The following APBA1 variants were observed in gnomAD, a reference collection of about 807,000 sequenced individuals.
APBA1 encodes the protein amyloid beta precursor protein binding family A member 1.
A neutral mutation model predicts 86.6 loss-of-function variants in APBA1; 55 were observed. The observed-to-expected ratio is 0.64, with a 90% CI of 0.51 to 0.80. The LOEUF is 0.80. Ranked by LOEUF, APBA1 falls within the 30% of genes least tolerant of loss-of-function variation. The pLI is 0.00. For synonymous variants in APBA1, 511 were observed against 493.9 expected (o/e 1.03, Z -0.46); for missense variants, 1,090 against 1,183.0 (o/e 0.92, Z 1.15).
At chr9:69,488,891 G>T (rs905590135) in intron 2 of APBA1, among the ~76,000 whole-genome samples, 1 of 152,054 alleles carries the variant, frequency 6.6e-6, no homozygotes, top group Non-Finnish European at 1.5e-5. Flanking sequence ...TTGCTTCAAA[G>T]AGAATACAAT....
chr9:69,553,518 A>G (rs1469804922), intron 1 of APBA1, among the ~76,000 whole-genome samples: 1 of 152,216 alleles, frequency 6.6e-6, no homozygotes, highest in Non-Finnish European at 1.5e-5. Context: ...ATGATTTAAA[A>G]TTCACCCATG....
At chr9:69,448,015 C>G (rs1430937398) in intron 10 of APBA1, among the ~76,000 whole-genome samples, 1 of 151,974 alleles carries the variant, frequency 6.6e-6, no homozygotes, top group Admixed American at 6.6e-5. Context: ...CTAGCCCCAC[C>G]CCCCCGCTTG....
At chr9:69,572,249 C>A (rs113107446) in intron 1 of APBA1, among the ~76,000 whole-genome samples, 3 of 152,090 alleles carry the variant, frequency 2.0e-5, no homozygotes, top group Admixed American at 6.6e-5. Flanking sequence ...CGTGTGCCGT[C>A]CCCCCTGACA....
At chr9:69,658,274 T>TCTC (rs1564104861) in intron 1 of APBA1, among the ~76,000 whole-genome samples, 5 of 68,312 alleles carry the variant, frequency 7.3e-5, no homozygotes, top group African/African-American at 1.9e-4. Context: ...CTTTCTTTCT[T>TCTC]TCTTTCTTTC....
chr9:69,559,429 C>T (rs1395815589), intron 1 of APBA1, among the ~76,000 whole-genome samples: 1 of 152,088 alleles, frequency 6.6e-6, no homozygotes, highest in East Asian at 1.9e-4. Context: ...GACATTTATC[C>T]CTATTAATTT....
intron 2 of APBA1, among the ~76,000 whole-genome samples, chr9:69,481,526 G>A (rs923208532): frequency 2.0e-5 from 3 of 151,724 alleles, no homozygotes; most frequent in Middle Eastern, 3.2e-3. Context: ...AATCAATATC[G>A]TGAAAATGGT....
chr9:69,551,891 T>A (rs1011215723), intron 1 of APBA1, among the ~76,000 whole-genome samples: 1 of 152,210 alleles, frequency 6.6e-6, no homozygotes, highest in Non-Finnish European at 1.5e-5. Flanking sequence ...TCTACTTCCC[T>A]TAATTCCATA....
chr9:69,558,551 C>A (rs968318152), intron 1 of APBA1, among the ~76,000 whole-genome samples: 3 of 133,920 alleles, frequency 2.2e-5, no homozygotes, highest in Admixed American at 7.1e-5. Context: ...CACATACACA[C>A]ACACACACAC....
intron 1 of APBA1, among the ~76,000 whole-genome samples, chr9:69,668,474 T>A (rs1823884000): frequency 6.6e-6 from 1 of 152,290 alleles, no homozygotes; most frequent in African/African-American, 2.4e-5. Context: ...TTTCCCCTAC[T>A]TTGACAATAG....
chr9:69,598,568 T>C (rs1376093559), intron 1 of APBA1, among the ~76,000 whole-genome samples: 1 of 151,902 alleles, frequency 6.6e-6, no homozygotes, highest in Non-Finnish European at 1.5e-5. Context: ...GTGGTGGTGA[T>C]AGGAAGCAGA....
At chr9:69,432,103 T>TGACA (rs752213375) in intron 12 of APBA1, among the ~76,000 whole-genome samples, 3 of 152,228 alleles carry the variant, frequency 2.0e-5, no homozygotes, top group Non-Finnish European at 2.9e-5. Flanking sequence ...CTGTGATGAC[T>TGACA]GACAGTAATG....
chr9:69,475,999 G>T (rs1588306978), intron 3 of APBA1, 49 bp downstream of exon 3: 10 of 1,480,118 alleles, frequency 6.8e-6, no homozygotes, highest in African/African-American at 5.5e-5. Context: ...AACAGTATTA[G>T]AGTAAAGCAA....
intron 1 of APBA1, among the ~76,000 whole-genome samples, chr9:69,630,684 C>G (rs760637051): frequency 6.6e-6 from 1 of 152,218 alleles, no homozygotes; most frequent in Non-Finnish European, 1.5e-5. Flanking sequence ...ACACGGCTCT[C>G]TTTCTAGAAA....
At chr9:69,457,233 A>T in intron 6 of APBA1, 94 bp from the exon 7 acceptor site, 1 of 913,826 alleles carries the variant, frequency 1.1e-6, no homozygotes, top group Non-Finnish European at 1.8e-6. Flanking sequence ...AGGCACCACG[A>T]CACAGTCACC....
intron 1 of APBA1, among the ~76,000 whole-genome samples, chr9:69,596,249 A>G (rs1564087332): frequency 6.6e-6 from 1 of 151,278 alleles, no homozygotes. Flanking sequence ...GGTCTCCCAA[A>G]CCCCTGAGAT....
At position 69,517,825 on chromosome 9, in the gene APBA1, T is replaced by C. The variant is rs1588336466; in HGVS notation, c.-69-546A>G. 2.0e-5 allele frequency among the ~76,000 whole-genome samples: 3 copies of C among 152,344 alleles called. No individual in the cohort carries two copies. The East Asian group carries it at 5.8e-4, about 29-fold the overall frequency. On this transcript the variant is annotated intron_variant, in intron 1 of 12. Transcript: ENST00000265381. The stretch of plus-strand genomic sequence containing the variant: ...TGACCTCAGGCAAGTGGCTTAATTT[T>C]CTGGACCTCCACGGTGTGACTGGAC...
At chr9:69,544,368 G>A (rs1836664206) in intron 1 of APBA1, among the ~76,000 whole-genome samples, 3 of 152,112 alleles carry the variant, frequency 2.0e-5, no homozygotes. Context: ...GTAATACAAA[G>A]TCAATTTAAA....
intron 1 of APBA1, among the ~76,000 whole-genome samples, chr9:69,530,760 T>C (rs576890980): frequency 2.6e-5 from 4 of 152,166 alleles, no homozygotes; most frequent in East Asian, 1.9e-4. Context: ...GAAGACAGCA[T>C]AGGGAAGACT....
chr9:69,506,110 G>A (rs966942537), intron 2 of APBA1, among the ~76,000 whole-genome samples: 1 of 151,904 alleles, frequency 6.6e-6, no homozygotes, highest in Non-Finnish European at 1.5e-5. Context: ...CCCAGCGAGA[G>A]CGACACAGAA....
Sources: allele counts gnomAD v4.1 joint callset (sites outside exome capture counted in the v4.1 genomes callset), GRCh38; gene constraint gnomAD v4.1.1; transcripts MANE v1.5; gene names NCBI Gene and HGNC (gene_info 2026-07-23, HGNC 2026-07-21).